The following BBS9 variants were observed in gnomAD, a reference collection of about 807,000 sequenced individuals.
BBS9 encodes protein PTHB1.
A neutral mutation model predicts 117.7 loss-of-function variants in BBS9; 89 were observed. The observed-to-expected ratio is 0.76, with a 90% CI of 0.64 to 0.90. BBS9 has a LOEUF of 0.90. BBS9 is among the 40% of genes least tolerant of loss of function. The pLI, the probability that BBS9 is intolerant of heterozygous loss-of-function variation, is 0.00. For synonymous variants in BBS9, 379 were observed against 370.9 expected, an observed-to-expected ratio of 1.02 and a Z score of -0.25; for missense variants, 982 against 1,042.2, an observed-to-expected ratio of 0.94 and a Z score of 0.80.
chr7:33,533,931 T>A, intron 20 of BBS9, 23 bp from the exon 21 acceptor site: 1 of 1,613,018 alleles, frequency 6.2e-7, no homozygotes, highest in Non-Finnish European at 8.5e-7. Context: ...TTGTATTAAT[T>A]CAAAATTGGC....
At chr7:33,560,110 C>T (rs1855871281) in intron 21 of BBS9, among the ~76,000 whole-genome samples, 1 of 152,168 alleles carries the variant, frequency 6.6e-6, no homozygotes, top group Non-Finnish European at 1.5e-5. Context: ...CCCAACCCTG[C>T]AGTGGGATCC....
chr7:33,304,643 A>G (rs1460655255), intron 9 of BBS9, among the ~76,000 whole-genome samples: 1 of 152,172 alleles, frequency 6.6e-6, no homozygotes, highest in Non-Finnish European at 1.5e-5. Flanking sequence ...CTTGGAAGAG[A>G]CAGCGACCAT....
intron 9 of BBS9, among the ~76,000 whole-genome samples, chr7:33,315,439 T>A (rs1241512317): frequency 1.3e-5 from 2 of 152,186 alleles, no homozygotes; most frequent in Non-Finnish European, 2.9e-5. Flanking sequence ...CATCATTCTC[T>A]TACCCAAAGC....
intron 20 of BBS9, among the ~76,000 whole-genome samples, chr7:33,530,653 G>A (rs536822077): frequency 2.0e-5 from 3 of 152,088 alleles, no homozygotes; most frequent in Admixed American, 6.6e-5. Context: ...CTAGATATTA[G>A]TCTAGTTTAG....
chr7:33,397,775 C>T (rs1466450136), intron 19 of BBS9, among the ~76,000 whole-genome samples: 1 of 152,086 alleles, frequency 6.6e-6, no homozygotes, highest in Non-Finnish European at 1.5e-5. Context: ...GATGAGAACA[C>T]ATGGACACAT....
intron 11 of BBS9, among the ~76,000 whole-genome samples, chr7:33,343,776 G>A (rs1210548136): frequency 2.6e-5 from 4 of 152,108 alleles, no homozygotes; most frequent in African/African-American, 9.7e-5. Context: ...TAGGATTACA[G>A]GCATGAGCCA....
Position 33,313,979 on chromosome 7 carries a change from G to A in BBS9, c.1017-22462G>A, listed in dbSNP as rs77950330. 0.025 allele frequency among the ~76,000 whole-genome samples: 3,747 copies of A among 152,264 alleles called. 216 individuals are homozygous for A. In the East Asian group the frequency reaches 0.26, roughly 11 times the overall value. Reference sequence around the variant, plus strand: ...GCTCCTGGGTTTTTGTGTTCAGAATGAGCTGTGTATGTGGAAATGTATTAT... The same window carrying A: ...GCTCCTGGGTTTTTGTGTTCAGAATAAGCTGTGTATGTGGAAATGTATTAT... On this transcript the variant is annotated intron_variant, in intron 9 of 22. Coordinates refer to ENST00000242067, the MANE Select transcript of BBS9 (RefSeq NM_198428.3).
intron 19 of BBS9, among the ~76,000 whole-genome samples, chr7:33,495,549 C>A (rs1844590954): frequency 6.6e-6 from 1 of 152,148 alleles, no homozygotes; most frequent in Admixed American, 6.5e-5. Flanking sequence ...ACCATAGATT[C>A]CAGCTTTAAT....
At chr7:33,460,304 AT>A (rs1198435815) in intron 19 of BBS9, among the ~76,000 whole-genome samples, 1 of 152,030 alleles carries the variant, frequency 6.6e-6, no homozygotes, top group African/African-American at 2.4e-5. Flanking sequence ...AGTTTCTGGA[AT>A]TTCTTGGCTT....
At chr7:33,472,020 C>A (rs1841109950) in intron 19 of BBS9, among the ~76,000 whole-genome samples, 1 of 151,962 alleles carries the variant, frequency 6.6e-6, no homozygotes, top group Non-Finnish European at 1.5e-5. Flanking sequence ...GCAAAAAAAA[C>A]CCCACTTTCC....
At chr7:33,290,058 AAT>A (rs1491558281) in intron 9 of BBS9, among the ~76,000 whole-genome samples, 3 of 149,874 alleles carry the variant, frequency 2.0e-5, no homozygotes, top group Non-Finnish European at 4.5e-5. Context: ...AAAAAAAAAA[AAT>A]TTTTTTAGAA....
intron 21 of BBS9, among the ~76,000 whole-genome samples, chr7:33,620,359 A>G (rs1158048179): frequency 3.3e-5 from 5 of 151,924 alleles, no homozygotes; most frequent in Non-Finnish European, 1.5e-5. Flanking sequence ...TGTTAAATAA[A>G]CCCTTAAGAC....
intron 10 of BBS9, among the ~76,000 whole-genome samples, chr7:33,339,732 C>A (rs1005109242): frequency 6.6e-6 from 1 of 152,074 alleles, no homozygotes; most frequent in Non-Finnish European, 1.5e-5. Context: ...GAAACATGTG[C>A]CAGCTCTCTC....
chr7:33,242,248 A>C (rs752543223), intron 5 of BBS9, among the ~76,000 whole-genome samples: 1 of 151,498 alleles, frequency 6.6e-6, no homozygotes, highest in Non-Finnish European at 1.5e-5. Context: ...TGTGTACTTT[A>C]TTTTGCTTTC....
chr7:33,631,053 C>T (rs1290656909), intron 21 of BBS9, among the ~76,000 whole-genome samples: 1 of 152,178 alleles, frequency 6.6e-6, no homozygotes, highest in Non-Finnish European at 1.5e-5. Flanking sequence ...ATACAGGCCC[C>T]TGCAAAGTGC....
At chr7:33,273,541 C>T (rs1008177705) in intron 8 of BBS9, among the ~76,000 whole-genome samples, 1 of 152,006 alleles carries the variant, frequency 6.6e-6, no homozygotes, top group Non-Finnish European at 1.5e-5. Context: ...GTAGTGAATG[C>T]GTAGTAAATC....
intron 19 of BBS9, among the ~76,000 whole-genome samples, chr7:33,499,369 C>T (rs919478218): frequency 6.6e-6 from 1 of 152,204 alleles, no homozygotes; most frequent in Admixed American, 6.5e-5. Flanking sequence ...GAAGCTCTGT[C>T]TCCTTGGTTC....
chr7:33,198,451 A>G (rs1259444024), intron 5 of BBS9, among the ~76,000 whole-genome samples: 3 of 152,104 alleles, frequency 2.0e-5, no homozygotes, highest in African/African-American at 7.2e-5. Flanking sequence ...ATCATCTTTC[A>G]TTTACCAAGG....
At chr7:33,610,675 C>A (rs151051023), downstream of BBS9, among the ~76,000 whole-genome samples, 480 of 152,214 alleles carry the variant, frequency 3.2e-3, no homozygotes, top group African/African-American at 0.011. Flanking sequence ...TTGGAGGGAA[C>A]AAACATTCAA....
Sources: gnomAD v4.1 joint callset for allele counts (sites outside exome capture counted in the v4.1 genomes callset) on GRCh38, gnomAD v4.1.1 for gene constraint, MANE v1.5 for transcripts, NCBI Gene and HGNC (gene_info 2026-07-23, HGNC 2026-07-21) for gene names.